The following ZDHHC17 variants were observed in gnomAD, a reference collection of about 807,000 sequenced individuals.
ZDHHC17 encodes palmitoyltransferase ZDHHC17.
A neutral mutation model predicts 90.3 loss-of-function variants in ZDHHC17; 40 were observed. The observed-to-expected ratio is 0.44, with a 90% CI of 0.34 to 0.58. The LOEUF is 0.58. Among genes scored for constraint, ZDHHC17 ranks in the 20% least tolerant of loss-of-function variants. The pLI, the probability that ZDHHC17 is intolerant of heterozygous loss-of-function variation, is 0.01. For missense variants in ZDHHC17, 614 were observed against 780.8 expected (o/e 0.79, Z 2.55); for synonymous variants, 235 against 252.4 (o/e 0.93, Z 0.65).
Position 76,851,048 on chromosome 12 carries a change from T to A in ZDHHC17, c.*63T>A. ...CCTGAAAATTGTGTCTGTCCGTGTC[T>A]TTCTCACACTCGAATCCACATCCTT... On this transcript the variant is annotated 3_prime_UTR_variant, in exon 17 of 17. Transcript: ENST00000426126. 2 of 1,598,966 alleles carry A rather than the reference T, an allele frequency of 1.3e-6. No homozygotes were observed. The highest frequency in any genetic ancestry group is 1.7e-6 in the Non-Finnish European group (2 of 1,170,998).
intron 1 of ZDHHC17, chr12:76,781,570 C>G (rs1314748472): frequency 2.2e-6 from 1 of 453,980 alleles, no homozygotes; most frequent in Non-Finnish European, 4.4e-6. Context: ...TTAGTCCTCT[C>G]GTTTGCTGTC....
intron 10 of ZDHHC17, 28 bp downstream of exon 10, chr12:76,828,518 A>G (rs2137786685): frequency 6.3e-7 from 1 of 1,597,256 alleles, no homozygotes. Flanking sequence ...AGATCATACC[A>G]AAAACAAATT....
chr12:76,835,298 G>T (rs1017936390), intron 10 of ZDHHC17, among the ~76,000 whole-genome samples: 2 of 152,064 alleles, frequency 1.3e-5, no homozygotes, highest in Admixed American at 6.6e-5. Flanking sequence ...TGATCTACCT[G>T]CTGTGGCCTC....
chr12:76,849,542 TTAGTGA>T (rs888578502), intron 16 of ZDHHC17, 72 bp downstream of exon 16: 2 of 885,634 alleles, frequency 2.3e-6, no homozygotes, highest in African/African-American at 3.5e-5. Context: ...ACTCTTTTAC[TTAGTGA>T]TATGTAAAAT....
chr12:76,797,835 T>C lies in ZDHHC17; in HGVS notation c.197+298T>C, dbSNP rs751488215. 7.6e-4 allele frequency among the ~76,000 whole-genome samples: 115 copies of C among 151,750 alleles called. 1 individual carries two copies. The highest frequency in any genetic ancestry group is 1.1e-3 in the Non-Finnish European group (75 of 67,954). ...GGTGGATGCCTATAATCCCAGCTAT[T>C]TGGGAGGCTGAGGCGGGAGAATCGC... On this transcript the variant is annotated intron_variant, in intron 2 of 16. Coordinates refer to ENST00000426126, the MANE Select transcript of ZDHHC17 (RefSeq NM_015336.4).
At chr12:76,766,613 A>G (rs1216865223) in intron 1 of ZDHHC17, among the ~76,000 whole-genome samples, 1 of 152,148 alleles carries the variant, frequency 6.6e-6, no homozygotes, top group Non-Finnish European at 1.5e-5. Context: ...CTTTTTGGAG[A>G]GAACATAGAC....
intron 5 of ZDHHC17, among the ~76,000 whole-genome samples, chr12:76,812,025 C>T (rs1953030259): frequency 6.6e-6 from 1 of 152,086 alleles, no homozygotes. Flanking sequence ...ATGAATTCCA[C>T]ATTTAGATTT....
At chr12:76,787,126 T>C (rs1301171617) in intron 1 of ZDHHC17, among the ~76,000 whole-genome samples, 2 of 152,224 alleles carry the variant, frequency 1.3e-5, no homozygotes, top group Non-Finnish European at 2.9e-5. Flanking sequence ...TCGTTTTATG[T>C]CTGCCCTAGT....
chr12:76,813,385 A>G (rs1231723796), intron 5 of ZDHHC17: 4 of 449,518 alleles, frequency 8.9e-6, no homozygotes, highest in South Asian at 3.2e-5. Flanking sequence ...TGACAACACT[A>G]TTAAAGTAAA....
At chr12:76,842,461 A>G (rs887417620) in intron 11 of ZDHHC17, among the ~76,000 whole-genome samples, 1 of 152,184 alleles carries the variant, frequency 6.6e-6, no homozygotes, top group African/African-American at 2.4e-5. Flanking sequence ...AAATTGGTTG[A>G]TAGTGCAGGT....
chr12:76,818,966 T>A (rs1953125584), intron 7 of ZDHHC17, among the ~76,000 whole-genome samples: 2 of 152,198 alleles, frequency 1.3e-5, no homozygotes, highest in Non-Finnish European at 2.9e-5. Context: ...GCTGTTGCAA[T>A]AAATCAGACA....
At chr12:76,818,589 G>A (rs775732479) in intron 7 of ZDHHC17, among the ~76,000 whole-genome samples, 9 of 152,306 alleles carry the variant, frequency 5.9e-5, no homozygotes, top group East Asian at 1.9e-4. Context: ...TCAGAATTAC[G>A]TAATGAGAAG....
At chr12:76,800,143 G>A (rs1178530104) in intron 2 of ZDHHC17, among the ~76,000 whole-genome samples, 1 of 152,150 alleles carries the variant, frequency 6.6e-6, no homozygotes, top group Admixed American at 6.5e-5. Flanking sequence ...AATGATACAT[G>A]TAATCTTGTT....
intron 16 of ZDHHC17, 102 bp from the exon 17 acceptor site, chr12:76,850,745 A>T: frequency 6.9e-7 from 1 of 1,445,048 alleles, no homozygotes; most frequent in Non-Finnish European, 9.3e-7. Flanking sequence ...CTGAGTTTTT[A>T]AGTTTAGAAA....
chr12:76,813,477 G>T (rs1418142119), intron 5 of ZDHHC17: 2 of 335,000 alleles, frequency 6.0e-6, no homozygotes, highest in Admixed American at 8.2e-5. Flanking sequence ...TGACATCCAA[G>T]GAAATGCTTT....
At chr12:76,834,268 G>A (rs2137794283) in intron 10 of ZDHHC17, among the ~76,000 whole-genome samples, 1 of 152,160 alleles carries the variant, frequency 6.6e-6, no homozygotes, top group South Asian at 2.1e-4. Flanking sequence ...AAAATTGACT[G>A]ACATAGTATA....
At chr12:76,810,397 C>T (rs904088052) in intron 5 of ZDHHC17, among the ~76,000 whole-genome samples, 2 of 151,982 alleles carry the variant, frequency 1.3e-5, no homozygotes, top group Non-Finnish European at 2.9e-5. Flanking sequence ...TTGTAATAAA[C>T]GTATTTTGTT....
intron 1 of ZDHHC17, among the ~76,000 whole-genome samples, chr12:76,788,857 C>T (rs1952726796): frequency 6.6e-6 from 1 of 151,682 alleles, no homozygotes; most frequent in Non-Finnish European, 1.5e-5. Flanking sequence ...CCACCACGCC[C>T]AGCTAATTTT....
chr12:76,815,792 A>G (rs765473699), intron 6 of ZDHHC17, 65 bp from the exon 7 acceptor site: 64 of 1,417,206 alleles, frequency 4.5e-5, no homozygotes, highest in Middle Eastern at 3.9e-4. Flanking sequence ...TAGTATTTGT[A>G]ATGATTTCTA....
Sources: allele counts gnomAD v4.1 joint callset (sites outside exome capture counted in the v4.1 genomes callset), GRCh38; gene constraint gnomAD v4.1.1; transcripts MANE v1.5; gene names NCBI Gene and HGNC (gene_info 2026-07-23, HGNC 2026-07-21).